The following PTPRD variants were observed in gnomAD, a reference collection of about 807,000 sequenced individuals.
The protein encoded by PTPRD is protein tyrosine phosphatase receptor type D, also known as receptor-type tyrosine-protein phosphatase delta.
Under a neutral mutation model 214.5 loss-of-function variants are expected in PTPRD, and 34 were observed. The observed-to-expected ratio is 0.16, with a 90% confidence interval of 0.12 to 0.21. The LOEUF (loss-of-function observed/expected upper bound fraction) is 0.21. Among genes scored for constraint, PTPRD ranks in the 10% least tolerant of loss-of-function variants. PTPRD has a pLI of 1.00. For missense variants in PTPRD, 2,545 were observed against 2,398.7 expected (o/e 1.06, Z -1.27); for synonymous variants, 1,128 against 845.7 (o/e 1.33, Z -5.79).
At chr9:8,786,396 G>C (rs1036262836) in intron 11 of PTPRD, among the ~76,000 whole-genome samples, 2 of 141,078 alleles carry the variant, frequency 1.4e-5, no homozygotes, top group African/African-American at 2.6e-5. Context: ...GGAAAAGTTT[G>C]GAGTTCTTTT....
chr9:9,180,872 A>G (rs1415857173), intron 10 of PTPRD, among the ~76,000 whole-genome samples: 3 of 152,140 alleles, frequency 2.0e-5, no homozygotes, highest in Non-Finnish European at 2.9e-5. Flanking sequence ...ATGTCTTAAA[A>G]ATTTTTGTAG....
At chr9:9,414,459 T>C (rs139481021) in intron 8 of PTPRD, among the ~76,000 whole-genome samples, 2 of 152,328 alleles carry the variant, frequency 1.3e-5, no homozygotes, top group East Asian at 3.9e-4. Context: ...CAAATACATT[T>C]AGGGAAGGAC....
chr9:8,647,534 T>C (rs1464662407), intron 12 of PTPRD, among the ~76,000 whole-genome samples: 1 of 152,220 alleles, frequency 6.6e-6, no homozygotes, highest in African/African-American at 2.4e-5. Flanking sequence ...TTTAAATTTA[T>C]TGTTAAACAT....
At chr9:9,454,776 G>C (rs539747918) in intron 8 of PTPRD, among the ~76,000 whole-genome samples, 1 of 151,340 alleles carries the variant, frequency 6.6e-6, no homozygotes, top group Non-Finnish European at 1.5e-5. Context: ...CTATGTGTTA[G>C]TCTCAATACT....
At chr9:9,741,046 A>T (rs1260807937) in intron 6 of PTPRD, among the ~76,000 whole-genome samples, 1 of 152,218 alleles carries the variant, frequency 6.6e-6, no homozygotes, top group African/African-American at 2.4e-5. Flanking sequence ...CAATTTGAAG[A>T]TAAGGCAAAG....
chr9:8,923,543 C>T (rs920293724), intron 11 of PTPRD, among the ~76,000 whole-genome samples: 2 of 152,062 alleles, frequency 1.3e-5, no homozygotes, highest in Admixed American at 6.6e-5. Flanking sequence ...GTGAATTCAC[C>T]AGCAAGACGT....
At chr9:10,606,532 T>C (rs977004306) in intron 2 of PTPRD, among the ~76,000 whole-genome samples, 2 of 132,282 alleles carry the variant, frequency 1.5e-5, no homozygotes, top group Admixed American at 7.9e-5. Context: ...TTCTTTATTT[T>C]CTTTTTTTTT....
In PTPRD at chr9:9,291,048, TTA is replaced by T. The variant is rs201538683; in HGVS notation, c.-203+106399_-203+106400del. Reference sequence around the variant, plus strand: ...CTGTTGTTTCATTCAGCTGCAAAATTTATATTTCTTCTTAAAATTTGGTTGGT... The same window carrying T: ...CTGTTGTTTCATTCAGCTGCAAAATTTATTTCTTCTTAAAATTTGGTTGGT... On this transcript the variant is annotated intron_variant, in intron 9 of 45. Coordinates refer to ENST00000381196, the MANE Select transcript of PTPRD (RefSeq NM_002839.4). Among the ~76,000 whole-genome samples the T allele has an allele frequency of 1.5e-4, 22 of 151,558 alleles. No homozygotes were observed. In the East Asian group the frequency reaches 4.3e-3, roughly 30 times the overall value.
intron 3 of PTPRD, among the ~76,000 whole-genome samples, chr9:10,175,488 G>C (rs1455799797): frequency 6.6e-6 from 1 of 151,910 alleles, no homozygotes; most frequent in Non-Finnish European, 1.5e-5. Flanking sequence ...TAATGATTAA[G>C]AATACCAAAT....
chr9:8,955,769 C>T (rs1487438404), intron 11 of PTPRD, among the ~76,000 whole-genome samples: 1 of 151,536 alleles, frequency 6.6e-6, no homozygotes, highest in Non-Finnish European at 1.5e-5. Flanking sequence ...AAGTCTTTCA[C>T]ACACATCTAA....
intron 10 of PTPRD, among the ~76,000 whole-genome samples, chr9:9,100,619 A>C (rs1307051452): frequency 1.3e-5 from 2 of 152,190 alleles, no homozygotes; most frequent in Non-Finnish European, 2.9e-5. Context: ...AACAAAACAA[A>C]AATTTAATGA....
At chr9:10,090,151 T>G (rs1001603772) in intron 3 of PTPRD, among the ~76,000 whole-genome samples, 1 of 151,612 alleles carries the variant, frequency 6.6e-6, no homozygotes, top group Non-Finnish European at 1.5e-5. Context: ...TCCCAGTAAC[T>G]GTTATTTCAC....
intron 7 of PTPRD, among the ~76,000 whole-genome samples, chr9:9,641,005 C>T (rs1321643451): frequency 8.5e-6 from 1 of 118,228 alleles, no homozygotes; most frequent in Non-Finnish European, 2.1e-5. Flanking sequence ...AGTGATACCT[C>T]ATATTGGCAA....
At chr9:8,995,104 A>G (rs950637433) in intron 11 of PTPRD, among the ~76,000 whole-genome samples, 1 of 151,876 alleles carries the variant, frequency 6.6e-6, no homozygotes, top group African/African-American at 2.4e-5. Context: ...CTACATGAAA[A>G]TTTATAAATT....
intron 9 of PTPRD, among the ~76,000 whole-genome samples, chr9:9,292,001 A>G (rs1951315594): frequency 6.6e-6 from 1 of 151,196 alleles, no homozygotes; most frequent in Admixed American, 6.6e-5. Context: ...ATATAGTAAG[A>G]GGTTTCCCAA....
chr9:8,454,276 A>G (rs1255708049), intron 33 of PTPRD, among the ~76,000 whole-genome samples: 1 of 152,242 alleles, frequency 6.6e-6, no homozygotes, highest in Non-Finnish European at 1.5e-5. Context: ...TCTGCTCTGT[A>G]AACACATCAA....
At chr9:9,017,616 G>C (rs1285674810) in intron 11 of PTPRD, among the ~76,000 whole-genome samples, 1 of 152,100 alleles carries the variant, frequency 6.6e-6, no homozygotes, top group Non-Finnish European at 1.5e-5. Context: ...TAGAACACTA[G>C]TAAGGAAACT....
chr9:9,479,229 CA>C (rs71319225), intron 8 of PTPRD, among the ~76,000 whole-genome samples: 1,045 of 100,530 alleles, frequency 0.01, 6 homozygotes, highest in South Asian at 0.024. Flanking sequence ...CCCCCCCCCC[CA>C]CACACACACC....
intron 3 of PTPRD, among the ~76,000 whole-genome samples, chr9:10,299,972 TTATAA>T (rs2095810892): frequency 6.6e-6 from 1 of 152,172 alleles, no homozygotes; most frequent in Non-Finnish European, 1.5e-5. Flanking sequence ...TGTATTCATT[TTATAA>T]TATATCTCTG....
Sources: allele counts gnomAD v4.1 joint callset (sites outside exome capture counted in the v4.1 genomes callset), GRCh38; gene constraint gnomAD v4.1.1; transcripts MANE v1.5; gene names NCBI Gene and HGNC (gene_info 2026-07-23, HGNC 2026-07-21).